F10: variants seen among roughly 807,000 people sequenced by gnomAD.
The protein encoded by F10 is coagulation factor X, also known as Stuart-Prower factor.
In F10, 29 loss-of-function variants were observed where a neutral mutation model predicts 37.1. That is an observed-to-expected ratio of 0.78 (90% CI 0.58 to 1.07). The LOEUF is 1.07. Among genes scored for constraint, F10 ranks in the 50% least tolerant of loss-of-function variants. The pLI is 0.00. For synonymous variants in F10, 262 were observed against 268.6 expected (o/e 0.98, Z 0.24); for missense variants, 539 against 667.9 (o/e 0.81, Z 2.13).
intron 2 of F10, chr13:113,131,454 C>T (rs1400490219): frequency 1.3e-5 from 2 of 152,666 alleles, no homozygotes; most frequent in Non-Finnish European, 2.9e-5. Flanking sequence ...TATGGGTTGA[C>T]TTCTCCTCAC....
chr13:113,143,702 T>A lies in F10; in HGVS notation c.503-149T>A. 75 of 1,153,386 alleles carry A rather than the reference T, an allele frequency of 6.5e-5. No individual in the cohort carries two copies. The highest frequency in any genetic ancestry group is 3.4e-4 in the Admixed American group (14 of 40,974). 71.4% of individuals were successfully genotyped at this position (1,153,386 alleles called of 1,614,324 possible). A position where few individuals can be genotyped will look rare whatever the true frequency, so the allele number is the denominator to read the frequency against. Reference sequence around the variant, plus strand: ...GCAGATCCGACCCCTGCCGACGACGTGGGGCCTCGCCCTGCAAGCCCGCTG... The same window carrying A: ...GCAGATCCGACCCCTGCCGACGACGAGGGGCCTCGCCCTGCAAGCCCGCTG... On this transcript the variant is annotated intron_variant, in intron 5 of 7. Transcript: ENST00000375559. The surrounding 1 kb of genome is among the most constrained non-coding windows in gnomAD (Gnocchi z 6.8).
chr13:113,142,786 G>A (rs2036544580), intron 5 of F10, among the ~76,000 whole-genome samples: 1 of 151,536 alleles, frequency 6.6e-6, no homozygotes, highest in East Asian at 1.9e-4. Context: ...CAAAAACTTA[G>A]CTGGGCGTGG....
At chr13:113,129,674 C>A in intron 2 of F10, 62 bp downstream of exon 2, 1 of 1,606,374 alleles carries the variant, frequency 6.2e-7, no homozygotes, top group Admixed American at 1.7e-5. Flanking sequence ...CCTCGCTGGC[C>A]CCGCTGCTCC....
At position 113,148,809 on chromosome 13, in the gene F10, G is replaced by A. The variant is rs150087084; in HGVS notation, c.866-107G>A. On this transcript the variant is annotated intron_variant, in intron 7 of 7. Transcript: ENST00000375559. ...TTTTCAAATTTTCAAAAGTGATCAC[G>A]TGCCATTTTTAATTTAAAAAAATAT... 2.9e-4 allele frequency: 440 copies of A among 1,505,386 alleles called. No individual in the cohort carries two copies. The East Asian group carries it at 4.1e-3, about 14-fold the overall frequency. The allele number at this position is 1,505,386 out of a possible 1,614,324, so 93.3% of individuals were successfully genotyped here. A position where few individuals can be genotyped will look rare whatever the true frequency, so the allele number is the denominator to read the frequency against.
chr13:113,122,961 G>A lies in F10; in HGVS notation c.70+36G>A, dbSNP rs775469294. 95 of 1,603,762 alleles carry A rather than the reference G, an allele frequency of 5.9e-5. 1 individual carries two copies. Among genetic ancestry groups the A allele is most frequent in the African/African-American group, 1.1e-4 (8 of 74,882 alleles). On this transcript the variant is annotated intron_variant, in intron 1 of 7. Coordinates refer to ENST00000375559, the MANE Select transcript of F10 (RefSeq NM_000504.4). ...CTCGCCCTTCAGACCCAAAAGCAGC[G>A]CCAGGGAGCAGGGAGGGGCGGCAGT...
At position 113,139,545 on chromosome 13, in the gene F10, A is replaced by G. The variant is rs1437650040; in HGVS notation, c.370+75A>G. ...GGCAGGTGGGCGGGGGAAGAAGTGAAAACGCCTAATGAAACAATCTTAAGT... is the reference window on the plus strand; with the variant it reads ...GGCAGGTGGGCGGGGGAAGAAGTGAGAACGCCTAATGAAACAATCTTAAGT... On this transcript the variant is annotated intron_variant, in intron 4 of 7. Transcript: ENST00000375559. This position sits in a 1 kb window ranked among gnomAD's most constrained non-coding sequence, Gnocchi z 5.2. 3 of 1,102,178 alleles carry G rather than the reference A, an allele frequency of 2.7e-6. No homozygotes were observed. Among genetic ancestry groups the G allele is most frequent in the Non-Finnish European group, 4.1e-6 (3 of 724,670 alleles). 68.3% of individuals were successfully genotyped at this position (1,102,178 alleles called of 1,614,324 possible). A position where few individuals can be genotyped will look rare whatever the true frequency, so the allele number is the denominator to read the frequency against.
chr13:113,133,877 A>T (rs1001120081), intron 2 of F10, among the ~76,000 whole-genome samples: 19 of 152,366 alleles, frequency 1.2e-4, no homozygotes, highest in Admixed American at 5.2e-4. Context: ...CTCAATATTT[A>T]AAAATAATTA....
chr13:113,147,293 G>A (rs2036590969), intron 6 of F10, 86 bp from the exon 7 acceptor site: 1 of 876,230 alleles, frequency 1.1e-6, no homozygotes. Flanking sequence ...GGAGGGCCGG[G>A]CAGTGCCACC....
Position 113,143,185 on chromosome 13 carries a change from C to T in F10, c.503-666C>T, listed in dbSNP as rs912733199. On this transcript the variant is annotated intron_variant, in intron 5 of 7. Coordinates refer to ENST00000375559, the MANE Select transcript of F10 (RefSeq NM_000504.4). The surrounding 1 kb of genome is among the most constrained non-coding windows in gnomAD (Gnocchi z 6.8). ...CCCCCCTCCTCTCCTCTCCTGCTCC[C>T]CCACACCCCTGCCTTCCTCCAACAT... 1.3e-5 allele frequency among the ~76,000 whole-genome samples: 2 copies of T among 151,690 alleles called. No individual in the cohort carries two copies. The highest frequency in any genetic ancestry group is 2.4e-5 in the African/African-American group (1 of 41,284).
At chr13:113,124,147 GCTCCCGAGGCCCTAAGCCCGGCCCGGGA>G (rs761936954) in intron 1 of F10, among the ~76,000 whole-genome samples, 11 of 150,768 alleles carry the variant, frequency 7.3e-5, no homozygotes, top group Non-Finnish European at 1.5e-4. Flanking sequence ...CCGGCCCGGG[GCTCCCGAGGCCCTAAGCCCGGCCCGGGA>G]CTCTGGAAGC....
At chr13:113,122,996 C>T (rs2036334334) in intron 1 of F10, 71 bp downstream of exon 1, 3 of 1,529,836 alleles carry the variant, frequency 2.0e-6, no homozygotes, top group South Asian at 1.1e-5. Context: ...TTGGGGAAAC[C>T]CTCTCATCTC....
At chr13:113,142,532 G>A (rs2036541199) in intron 5 of F10, among the ~76,000 whole-genome samples, 1 of 140,654 alleles carries the variant, frequency 7.1e-6, no homozygotes, top group Non-Finnish European at 1.6e-5. Context: ...GCTCCAGCCT[G>A]GGCAACAGAA....
Position 113,122,934 on chromosome 13 carries a change from C to T in F10, c.70+9C>T. Reference sequence around the variant, plus strand: ...GCTGCTCGGGGAAAGTCGTAAGTGCCCCTCGCCCTTCAGACCCAAAAGCAG... The same window carrying T: ...GCTGCTCGGGGAAAGTCGTAAGTGCTCCTCGCCCTTCAGACCCAAAAGCAG... On this transcript the variant is annotated intron_variant, in intron 1 of 7. Coordinates refer to ENST00000375559, the MANE Select transcript of F10 (RefSeq NM_000504.4). 1 of 1,608,690 alleles carries T rather than the reference C, an allele frequency of 6.2e-7. No homozygotes were observed. The highest frequency in any genetic ancestry group is 1.3e-5 in the African/African-American group (1 of 75,062).
chr13:113,127,927 G>C (rs1233841799), intron 1 of F10, among the ~76,000 whole-genome samples: 4 of 152,174 alleles, frequency 2.6e-5, no homozygotes, highest in Non-Finnish European at 5.9e-5. Flanking sequence ...AGAATTCAAG[G>C]AAGGGGGCTT....
intron 5 of F10, among the ~76,000 whole-genome samples, chr13:113,142,059 T>C (rs1276672727): frequency 6.6e-6 from 1 of 152,226 alleles, no homozygotes; most frequent in Non-Finnish European, 1.5e-5. Flanking sequence ...CCGGGTTCCA[T>C]ATGCATCCTT....
chr13:113,129,897 A>T (rs977459397), intron 2 of F10: 4 of 458,938 alleles, frequency 8.7e-6, no homozygotes, highest in Non-Finnish European at 1.6e-5. Context: ...AGTTCTATTT[A>T]AAAATAAAAT....
chr13:113,147,537 C>T (rs780729325), intron 7 of F10, 41 bp downstream of exon 7: 21 of 1,165,032 alleles, frequency 1.8e-5, no homozygotes, highest in South Asian at 2.4e-5. Context: ...TGAGGGGCAC[C>T]GTCACTGTCT....
chr13:113,143,699 ACGTGGG>A lies in F10; in HGVS notation c.503-151_503-146del. Reference sequence around the variant, plus strand: ...CCTGCAGATCCGACCCCTGCCGACGACGTGGGGCCTCGCCCTGCAAGCCCGCTGCCC... The same window carrying A: ...CCTGCAGATCCGACCCCTGCCGACGAGCCTCGCCCTGCAAGCCCGCTGCCC... On this transcript the variant is annotated intron_variant, in intron 5 of 7. Transcript: ENST00000375559. The surrounding 1 kb of genome is among the most constrained non-coding windows in gnomAD (Gnocchi z 6.8). 55 of 1,203,412 alleles carry A rather than the reference ACGTGGG, an allele frequency of 4.6e-5. No homozygotes were observed. The highest frequency in any genetic ancestry group is 3.0e-4 in the Admixed American group (14 of 46,618). The allele number at this position is 1,203,412 out of a possible 1,614,324, so 74.5% of individuals were successfully genotyped here. A position where few individuals can be genotyped will look rare whatever the true frequency, so the allele number is the denominator to read the frequency against.
rs963455605 is a variant in F10, at chr13:113,139,883, CAATATTTGTG to C, written c.370+425_370+434del. On this transcript the variant is annotated intron_variant, in intron 4 of 7. Transcript: ENST00000375559. The surrounding 1 kb of genome is among the most constrained non-coding windows in gnomAD (Gnocchi z 5.2). Reference sequence around the variant, plus strand: ...TATTTATGTGTATGGATGCAGGTGTCAATATTTGTGAATATTTGTGATTGGCCAATTATAA... The same window carrying C: ...TATTTATGTGTATGGATGCAGGTGTCAATATTTGTGATTGGCCAATTATAA... Among the ~76,000 whole-genome samples the C allele has an allele frequency of 2.6e-5, 4 of 151,996 alleles. No individual in the cohort carries two copies. The highest frequency in any genetic ancestry group is 7.3e-5 in the African/African-American group (3 of 41,368).
Sources: allele counts gnomAD v4.1 joint callset (sites outside exome capture counted in the v4.1 genomes callset), GRCh38; gene constraint gnomAD v4.1.1; non-coding constraint Gnocchi (gnomAD v3.1); transcripts MANE v1.5; gene names NCBI Gene and HGNC (gene_info 2026-07-23, HGNC 2026-07-21).